TTC33: variants seen among roughly 807,000 people sequenced by gnomAD.
TTC33 encodes tetratricopeptide repeat domain 33.
A neutral mutation model predicts 29.4 loss-of-function variants in TTC33; 24 were observed. That is an observed-to-expected ratio of 0.82 (90% confidence interval 0.59 to 1.15). The LOEUF is 1.15. Among genes scored for constraint, TTC33 ranks in the 50% most tolerant of loss-of-function variants. The probability of loss-of-function intolerance (pLI) is 0.00; values close to 1 mark genes in which losing one functional copy is unlikely to be tolerated. For synonymous variants in TTC33, 107 were observed against 100.3 expected, an observed-to-expected ratio of 1.07 and a Z score of -0.40; for missense variants, 286 against 310.4, an observed-to-expected ratio of 0.92 and a Z score of 0.59.
chr5:40,716,007 T>C lies in TTC33; in HGVS notation c.*138A>G, dbSNP rs1741988555. ...ACACTATACAATAATCCTGCCATTT[T>C]AGTTTTTATATGCCTCATCTGAAAA... On this transcript the variant is annotated 3_prime_UTR_variant, in exon 5 of 5. Coordinates refer to ENST00000337702, the MANE Select transcript of TTC33 (RefSeq NM_012382.3). The C allele has an allele frequency of 1.6e-6, 1 of 639,434 alleles. No individual in the cohort carries two copies. The highest frequency in any genetic ancestry group is 2.8e-5 in the East Asian group (1 of 35,956). The allele number at this position is 639,434 out of a possible 1,614,324, so 39.6% of individuals were successfully genotyped here.
At chr5:40,754,807 G>A (rs1742956940) in intron 1 of TTC33, among the ~76,000 whole-genome samples, 1 of 152,194 alleles carries the variant, frequency 6.6e-6, no homozygotes, top group South Asian at 2.1e-4. Context: ...CCTAGAGCAT[G>A]CAAAGCACTT....
intron 2 of TTC33, among the ~76,000 whole-genome samples, chr5:40,732,585 G>A (rs1378978963): frequency 6.6e-6 from 1 of 151,820 alleles, no homozygotes; most frequent in East Asian, 1.9e-4. Flanking sequence ...ACATTTCTGG[G>A]AATGTAGAAG....
intron 2 of TTC33, among the ~76,000 whole-genome samples, chr5:40,735,357 T>TAAATGAGATATTTAATTTAGGTATG (rs1192025652): frequency 6.6e-6 from 1 of 152,036 alleles, no homozygotes; most frequent in Non-Finnish European, 1.5e-5. Context: ...GAGATAACCC[T>TAAATGAGATATTTAATTTAGGTATG]AGATAAGGAT....
chr5:40,718,426 A>T (rs1285067645), intron 4 of TTC33, among the ~76,000 whole-genome samples: 4 of 151,618 alleles, frequency 2.6e-5, no homozygotes, highest in Non-Finnish European at 5.9e-5. Flanking sequence ...AATAAATAAA[A>T]AATACACAGA....
intron 4 of TTC33, among the ~76,000 whole-genome samples, chr5:40,720,017 T>C (rs1288775374): frequency 6.6e-6 from 1 of 152,218 alleles, no homozygotes; most frequent in Non-Finnish European, 1.5e-5. Flanking sequence ...ACAGTAACTT[T>C]TGAAGCACAA....
At chr5:40,745,679 A>G (rs1742776664) in intron 2 of TTC33, among the ~76,000 whole-genome samples, 1 of 151,200 alleles carries the variant, frequency 6.6e-6, no homozygotes, top group Admixed American at 6.6e-5. Flanking sequence ...ACAAGCCACC[A>G]CACACAGCCA....
At position 40,712,430 on chromosome 5, in the gene TTC33, C is replaced by T. The variant is rs1414286976; in HGVS notation, c.*3715G>A. 6.6e-6 allele frequency among the ~76,000 whole-genome samples: 1 copy of T among 152,108 alleles called. No individual in the cohort carries two copies. The highest frequency in any genetic ancestry group is 1.5e-5 in the Non-Finnish European group (1 of 68,010). ...CCTGACCTCTGAACCACTTGAGACA[C>T]AGACAGATGGAGATTCAATATTTTA... On this transcript the variant is annotated 3_prime_UTR_variant, in exon 5 of 5. Coordinates refer to ENST00000337702, the MANE Select transcript of TTC33 (RefSeq NM_012382.3).
chr5:40,718,405 C>CA (rs1262519088), intron 4 of TTC33, among the ~76,000 whole-genome samples: 3 of 149,758 alleles, frequency 2.0e-5, no homozygotes, highest in Admixed American at 2.0e-4. Context: ...GACTCTGTCT[C>CA]AAAAAAAATA....
rs974442650 is a variant in TTC33, at chr5:40,714,362, A to T, written c.*1783T>A. 20 of 152,232 alleles carry T rather than the reference A, an allele frequency of 1.3e-4. No individual in the cohort carries two copies. Among genetic ancestry groups the T allele is most frequent in the African/African-American group, 4.8e-4 (20 of 41,464 alleles). 9.4% of individuals were successfully genotyped at this position (152,232 alleles called of 1,614,324 possible). On this transcript the variant is annotated 3_prime_UTR_variant, in exon 5 of 5. Coordinates refer to ENST00000337702, the MANE Select transcript of TTC33 (RefSeq NM_012382.3). ...AATAGCTGGCATTACTTCATGTGTG[A>T]GGCACCATGCAAGGTACTTTAAATA...
rs559093334 is a variant in TTC33 at position 40,718,496 on chromosome 5, C to G, written c.436-1998G>C. Among the ~76,000 whole-genome samples, 286 of 152,314 alleles carry G rather than the reference C, an allele frequency of 1.9e-3. 3 individuals are homozygous for G. The highest frequency in any genetic ancestry group is 6.5e-3 in the African/African-American group (272 of 41,562). ...GTGGCTCACGCCTGTAATCCCATCA[C>G]TCTGGCAGGCGGAGGTGGGCAGATC... On this transcript the variant is annotated intron_variant, in intron 4 of 4. Coordinates refer to ENST00000337702, the MANE Select transcript of TTC33 (RefSeq NM_012382.3).
At chr5:40,722,298 C>T (rs1357511209) in intron 4 of TTC33, among the ~76,000 whole-genome samples, 1 of 152,206 alleles carries the variant, frequency 6.6e-6, no homozygotes, top group Non-Finnish European at 1.5e-5. Flanking sequence ...TCCCAAAGTG[C>T]CGAGATTGCA....
Position 40,716,492 on chromosome 5 carries a change from G to A in TTC33, c.442C>T (p.Arg148Ter), listed in dbSNP as rs771094043. 73 of 1,582,902 alleles carry A rather than the reference G, an allele frequency of 4.6e-5. No homozygotes were observed. Among genetic ancestry groups the A allele is most frequent in the African/African-American group, 8.2e-5 (6 of 73,218 alleles). ...LGLGEIILAI[R>*]SFQVALHIYP... The stretch of plus-strand genomic sequence containing the variant: ...ATGTGAAGGGCTACTTGAAAACTTC[G>A]AATTGCCTAGAAAATAAGGTCAGAG... The change falls in exon 5 of 5, where the codon CGA (arginine) becomes TGA (stop). Residue 148 changes from arginine (R) to a stop codon, truncating the protein, a stop_gained. Transcript: ENST00000337702. LOFTEE classifies it high-confidence loss of function.
At chr5:40,721,209 G>T (rs1331115819) in intron 4 of TTC33, among the ~76,000 whole-genome samples, 2 of 152,192 alleles carry the variant, frequency 1.3e-5, no homozygotes, top group Non-Finnish European at 2.9e-5. Flanking sequence ...AAATCCAGCT[G>T]CCTGGGGGCT....
Position 40,730,362 on chromosome 5 carries a change from T to A in TTC33, c.222-19A>T, listed in dbSNP as rs376972173. 17 of 1,594,378 alleles carry A rather than the reference T, an allele frequency of 1.1e-5. No individual in the cohort carries two copies. The highest frequency in any genetic ancestry group is 1.4e-5 in the Non-Finnish European group (16 of 1,167,126). ...CCGATATCTGTGGTTGTTAAAGTTATATCAATGCCATATTTTCAATATGCT... is the reference window on the plus strand; with the variant it reads ...CCGATATCTGTGGTTGTTAAAGTTAAATCAATGCCATATTTTCAATATGCT... On this transcript the variant is annotated intron_variant, in intron 2 of 4. Coordinates refer to ENST00000337702, the MANE Select transcript of TTC33 (RefSeq NM_012382.3).
chr5:40,741,915 G>A (rs1231799515), intron 2 of TTC33, among the ~76,000 whole-genome samples: 3 of 152,024 alleles, frequency 2.0e-5, no homozygotes, highest in African/African-American at 7.3e-5. Context: ...CTTGAGCCTG[G>A]GAGACAGAGG....
rs6868517 is a variant in TTC33, at chr5:40,752,434, A to C, written c.-2+3390T>G. Among the ~76,000 whole-genome samples the C allele has an allele frequency of 4.6e-5, 7 of 152,014 alleles. No individual in the cohort carries two copies. In the South Asian group the frequency reaches 1.5e-3, roughly 32 times the overall value. ...AACAGGTCTTCCTAAAATCATTTCT[A>C]GCTTTTGATTTAAAATGAGAGATGT... On this transcript the variant is annotated intron_variant, in intron 1 of 4. Coordinates refer to ENST00000337702, the MANE Select transcript of TTC33 (RefSeq NM_012382.3).
intron 4 of TTC33, among the ~76,000 whole-genome samples, chr5:40,724,914 G>A (rs1311867493): frequency 1.3e-5 from 2 of 148,782 alleles, no homozygotes; most frequent in Non-Finnish European, 3.0e-5. Context: ...GTGCAGTGGT[G>A]CGATCTCAGC....
intron 4 of TTC33, among the ~76,000 whole-genome samples, chr5:40,723,452 A>T (rs1044782172): frequency 3.3e-5 from 5 of 152,328 alleles, no homozygotes; most frequent in Admixed American, 3.3e-4. Flanking sequence ...AAATTTAAAA[A>T]AATTTCAATT....
chr5:40,734,329 C>CAG (rs1742500619), intron 2 of TTC33, among the ~76,000 whole-genome samples: 1 of 152,170 alleles, frequency 6.6e-6, no homozygotes, highest in Non-Finnish European at 1.5e-5. Context: ...ACAGACTGAA[C>CAG]AGACACAGCC....
Sources: gnomAD v4.1 joint callset for allele counts (sites outside exome capture counted in the v4.1 genomes callset) on GRCh38, gnomAD v4.1.1 for gene constraint, MANE v1.5 for transcripts, NCBI Gene and HGNC (gene_info 2026-07-23, HGNC 2026-07-21) for gene names.